HIVEP3: variants seen among roughly 807,000 people sequenced by gnomAD.
The protein encoded by HIVEP3 is HIVEP zinc finger 3.
In HIVEP3, 49 loss-of-function variants were observed where a neutral mutation model predicts 152.8. The observed-to-expected ratio is 0.32, with a 90% CI of 0.26 to 0.41. The LOEUF (loss-of-function observed/expected upper bound fraction) is 0.41. Ranked by LOEUF, HIVEP3 falls within the 10% of genes least tolerant of loss-of-function variation. HIVEP3 has a pLI of 1.00. For synonymous variants in HIVEP3, 1,269 were observed against 1,289.0 expected (o/e 0.98, Z 0.33); for missense variants, 2,790 against 3,103.3 (o/e 0.90, Z 2.40).
At chr1:41,766,661 T>C (rs1648027780) in intron 1 of HIVEP3, among the ~76,000 whole-genome samples, 1 of 152,198 alleles carries the variant, frequency 6.6e-6, no homozygotes, top group African/African-American at 2.4e-5. Flanking sequence ...GCTGGGCACA[T>C]CTGGACAGCA....
intron 1 of HIVEP3, among the ~76,000 whole-genome samples, chr1:41,969,736 C>T (rs1225168871): frequency 6.6e-6 from 1 of 152,062 alleles, no homozygotes; most frequent in Non-Finnish European, 1.5e-5. Context: ...AGAGCTTCTG[C>T]ACAGCAAAAG....
chr1:41,696,973 A>T (rs1443120058), intron 2 of HIVEP3, among the ~76,000 whole-genome samples: 2 of 152,222 alleles, frequency 1.3e-5, no homozygotes, highest in African/African-American at 2.4e-5. Context: ...ATATGCTTTG[A>T]CATGTGGTAT....
Position 41,676,511 on chromosome 1 carries a change from C to T in HIVEP3, c.-721+24405G>A, listed in dbSNP as rs186928162. On this transcript the variant is annotated intron_variant, in intron 2 of 8. Coordinates refer to ENST00000372583, the MANE Select transcript of HIVEP3 (RefSeq NM_024503.5). ...GCATGGCAGGGTCACACAATGCTTC[C>T]GAGCCTCAGTTTCCCTATCTGTAAG... 2.9e-4 allele frequency among the ~76,000 whole-genome samples: 44 copies of T among 152,248 alleles called. 1 individual carries two copies. In the East Asian group the frequency reaches 3.9e-3, roughly 13 times the overall value.
At chr1:41,753,932 G>A (rs1647212113) in intron 1 of HIVEP3, among the ~76,000 whole-genome samples, 1 of 152,156 alleles carries the variant, frequency 6.6e-6, no homozygotes, top group Admixed American at 6.5e-5. Flanking sequence ...GGGTCAGCGG[G>A]TGGTGGGGGT....
intron 1 of HIVEP3, among the ~76,000 whole-genome samples, chr1:41,736,207 C>T (rs758893619): frequency 2.6e-5 from 4 of 152,148 alleles, no homozygotes; most frequent in South Asian, 2.1e-4. Context: ...AAGGAGTGCC[C>T]GGGCTTCATG....
At chr1:41,768,472 CATCT>C (rs1648148370) in intron 1 of HIVEP3, among the ~76,000 whole-genome samples, 1 of 152,210 alleles carries the variant, frequency 6.6e-6, no homozygotes, top group South Asian at 2.1e-4. Flanking sequence ...ACCATATCTC[CATCT>C]AAGGTAAGCT....
chr1:41,602,126 A>G (rs1340498840), intron 3 of HIVEP3, among the ~76,000 whole-genome samples: 2 of 151,762 alleles, frequency 1.3e-5, no homozygotes, highest in Non-Finnish European at 2.9e-5. Flanking sequence ...CCTTTAATGC[A>G]CTATTTGGTT....
In HIVEP3 at chr1:41,693,699, G is replaced by GT. The variant is rs1337864981; in HGVS notation, c.-721+7216dup. Reference sequence around the variant, plus strand: ...ACAGTTTCTGGATTTGATATTACACGTAAGGAGGCATTCGTCATTCCGGTA... The same window carrying GT: ...ACAGTTTCTGGATTTGATATTACACGTTAAGGAGGCATTCGTCATTCCGGTA... On this transcript the variant is annotated intron_variant, in intron 2 of 8. Transcript: ENST00000372583. Among the ~76,000 whole-genome samples the GT allele has an allele frequency of 7.2e-5, 11 of 152,288 alleles. No individual in the cohort carries two copies. The East Asian group carries it at 2.1e-3, about 29-fold the overall frequency.
intron 1 of HIVEP3, among the ~76,000 whole-genome samples, chr1:41,781,001 C>G (rs960774139): frequency 1.3e-5 from 2 of 152,188 alleles, no homozygotes; most frequent in African/African-American, 4.8e-5. Context: ...CCCCATTGTT[C>G]GTGATTTTGT....
chr1:41,562,352 G>A (rs1230077877), intron 5 of HIVEP3, among the ~76,000 whole-genome samples: 1 of 152,204 alleles, frequency 6.6e-6, no homozygotes, highest in Non-Finnish European at 1.5e-5. Flanking sequence ...TGGGGGTGGG[G>A]CTGAGAGGGT....
intron 1 of HIVEP3, among the ~76,000 whole-genome samples, chr1:41,749,556 C>G (rs1647126242): frequency 6.6e-6 from 1 of 152,120 alleles, no homozygotes; most frequent in African/African-American, 2.4e-5. Flanking sequence ...TTTAGAAATG[C>G]TATGACAAAG....
At chr1:41,641,557 CT>C (rs1286566281) in intron 2 of HIVEP3, among the ~76,000 whole-genome samples, 1 of 152,230 alleles carries the variant, frequency 6.6e-6, no homozygotes. Context: ...GGTGTTCTTC[CT>C]TTTTTTGGAC....
In HIVEP3 at chr1:41,507,557, T is replaced by C. The variant is rs1226344243; in HGVS notation, c.*2894A>G. ...ACCAGGACTAGTCTGTACCGAGGAATGGCCACCCCGCGCATTTCAACAGAG... is the reference window on the plus strand; with the variant it reads ...ACCAGGACTAGTCTGTACCGAGGAACGGCCACCCCGCGCATTTCAACAGAG... On this transcript the variant is annotated 3_prime_UTR_variant, in exon 9 of 9. Coordinates refer to ENST00000372583, the MANE Select transcript of HIVEP3 (RefSeq NM_024503.5). 6.6e-6 allele frequency: 1 copy of C among 152,276 alleles called. No homozygotes were observed. Among genetic ancestry groups the C allele is most frequent in the Non-Finnish European group, 1.5e-5 (1 of 68,102 alleles). The allele number at this position is 152,276 out of a possible 1,614,324, so 9.4% of individuals were successfully genotyped here. A position where few individuals can be genotyped will look rare whatever the true frequency, so the allele number is the denominator to read the frequency against.
intron 1 of HIVEP3, among the ~76,000 whole-genome samples, chr1:41,860,987 C>A (rs1193612648): frequency 2.6e-5 from 4 of 152,218 alleles, no homozygotes; most frequent in African/African-American, 4.8e-5. Context: ...AGGTTCTTGG[C>A]AACGTGATTA....
At chr1:41,881,312 T>C (rs1644257586) in intron 1 of HIVEP3, among the ~76,000 whole-genome samples, 1 of 152,138 alleles carries the variant, frequency 6.6e-6, no homozygotes, top group Admixed American at 6.5e-5. Context: ...AATGCCCCCT[T>C]TGAAGATGAG....
In HIVEP3 at chr1:41,583,005, C is replaced by T. The variant is rs1250519478; in HGVS notation, c.1793G>A (p.Gly598Glu). The change falls in exon 4 of 9, where the codon GGA becomes GAA. Residue 598 changes from glycine to glutamate, a missense_variant. By Grantham distance (98) the Gly-to-Glu change is moderately conservative. This residue lies in a region of HIVEP3 where 339 missense variants were observed against 327.0 expected (regional missense o/e 1.04). Transcript: ENST00000372583. The surrounding 1 kb of genome is among the most constrained non-coding windows in gnomAD (Gnocchi z 6.9). ...AGGCTCCTCAGAACTGTATTCCCCT[C>T]CCAAAGGTAATTCGATTGCCGGCTG... ...KRQPAIELPL[G>E]GEYSSEEPGP... The T allele has an allele frequency of 6.2e-7, 1 of 1,614,056 alleles. No individual in the cohort carries two copies. Among genetic ancestry groups the T allele is most frequent in the Non-Finnish European group, 8.5e-7 (1 of 1,180,026 alleles).
intron 5 of HIVEP3, among the ~76,000 whole-genome samples, chr1:41,546,013 G>A (rs1162716712): frequency 6.6e-6 from 1 of 152,250 alleles, no homozygotes; most frequent in South Asian, 2.1e-4. Flanking sequence ...ACACGGCTGA[G>A]TGTGAATCCC....
intron 1 of HIVEP3, among the ~76,000 whole-genome samples, chr1:41,843,820 T>C (rs2124372668): frequency 6.6e-6 from 1 of 152,312 alleles, no homozygotes; most frequent in African/African-American, 2.4e-5. Flanking sequence ...GTTAGTTACA[T>C]ATGTATACAT....
rs568677281 is a variant in HIVEP3, at chr1:41,946,420, AC to A, written n.120-27897del. Among the ~76,000 whole-genome samples, 1,396 of 152,278 alleles carry A rather than the reference AC, an allele frequency of 9.2e-3. 10 individuals carry two copies. The highest frequency in any genetic ancestry group is 0.015 in the Non-Finnish European group (1,022 of 68,020). ...ACACTGGCGCAGCCTTCTCAGTCTT[AC>A]TTTCCTGTCCCAGACAATTGTCCTC... On this transcript the variant is annotated intron_variant and non_coding_transcript_variant, in intron 1 of 3. Transcript: ENST00000489103.
Sources: allele counts gnomAD v4.1 joint callset (sites outside exome capture counted in the v4.1 genomes callset), GRCh38; gene constraint gnomAD v4.1.1; regional missense constraint gnomAD v4.1.1; non-coding constraint Gnocchi (gnomAD v3.1); transcripts MANE v1.5; gene names NCBI Gene and HGNC (gene_info 2026-07-23, HGNC 2026-07-21).